RBBP4: variants seen among roughly 807,000 people sequenced by gnomAD.
RBBP4 encodes RB binding protein 4, chromatin remodeling factor, also known as histone-binding protein RBBP4.
Under a neutral mutation model 57.2 loss-of-function variants are expected in RBBP4, and 3 were observed. The observed-to-expected ratio is 0.05, with a 90% CI of 0.02 to 0.14. The LOEUF (loss-of-function observed/expected upper bound fraction) is 0.14. Among genes scored for constraint, RBBP4 ranks in the 10% least tolerant of loss-of-function variants. The pLI is 1.00. For synonymous variants in RBBP4, 151 were observed against 171.5 expected (o/e 0.88, Z 0.93); for missense variants, 107 against 520.6 (o/e 0.21, Z 7.73).
chr1:32,652,336 A>G, intron 2 of RBBP4: 1 of 320,738 alleles, frequency 3.1e-6, no homozygotes, highest in Non-Finnish European at 5.8e-6. Context: ...ACCAAATAAT[A>G]GTACAAAACT....
chr1:32,673,010 C>A, intron 11 of RBBP4, 109 bp downstream of exon 11: 2 of 873,866 alleles, frequency 2.3e-6, no homozygotes, highest in South Asian at 1.6e-5. Flanking sequence ...ATTTTACTCC[C>A]AGGTGTGATT....
At position 32,654,973 on chromosome 1, in the gene RBBP4, G is replaced by A. The variant is rs549211199; in HGVS notation, c.165-2454G>A. 9.2e-5 allele frequency among the ~76,000 whole-genome samples: 14 copies of A among 151,630 alleles called. No individual in the cohort carries two copies. The East Asian group carries it at 2.3e-3, about 25-fold the overall frequency. ...GCCTCCCAAAGTGCTGGGATTACAG[G>A]CGTGAGCTAGTGCACCTGGCTGAAA... is the stretch of plus-strand genomic sequence containing the variant. On this transcript the variant is annotated intron_variant, in intron 2 of 11. Coordinates refer to ENST00000373493, the MANE Select transcript of RBBP4 (RefSeq NM_005610.3).
intron 3 of RBBP4, among the ~76,000 whole-genome samples, chr1:32,664,422 C>G (rs1250735491): frequency 2.0e-5 from 3 of 152,018 alleles, no homozygotes; most frequent in Non-Finnish European, 4.4e-5. Flanking sequence ...TTATTGGTGC[C>G]TCTTTTCTGG....
chr1:32,684,291 C>CT lies in RBBP4; in HGVS notation c.*4588dup. ...AGAGAGCTCTTCAGCAAGACTGAGC[C>CT]TTAGCTGTTCCATCTCTTTGTTCTT... On this transcript the variant is annotated 3_prime_UTR_variant, in exon 12 of 12. Coordinates refer to ENST00000373493, the MANE Select transcript of RBBP4 (RefSeq NM_005610.3). The CT allele has an allele frequency of 6.2e-7, 1 of 1,614,178 alleles. No individual in the cohort carries two copies. Among genetic ancestry groups the CT allele is most frequent in the Non-Finnish European group, 8.5e-7 (1 of 1,180,034 alleles).
Position 32,669,028 on chromosome 1 carries a change from G to C in RBBP4, c.657G>C (p.Ala219=), listed in dbSNP as rs752080971. 1.9e-6 allele frequency: 3 copies of C among 1,614,022 alleles called. No individual in the cohort carries two copies. Among genetic ancestry groups the C allele is most frequent in the Non-Finnish European group, 2.5e-6 (3 of 1,180,012 alleles). ...CAAAGGAGGGAAAAGTGGTAGATGC[G>C]AAGACCATCTTTACAGGGCATACGG... is the stretch of plus-strand genomic sequence containing the variant. ...AVPKEGKVVD[A]KTIFTGHTAV... The change falls in exon 6 of 12, where the codon GCG becomes GCC. Residue 219 remains alanine, a synonymous_variant. Transcript: ENST00000373493. This position sits in a 1 kb window ranked among gnomAD's most constrained non-coding sequence, Gnocchi z 4.9.
At chr1:32,674,158 G>A (rs1454790730) in intron 11 of RBBP4, among the ~76,000 whole-genome samples, 2 of 152,174 alleles carry the variant, frequency 1.3e-5, no homozygotes, top group Non-Finnish European at 2.9e-5. Context: ...GGTTAATGCA[G>A]TGTGAGTGTA....
intron 3 of RBBP4, among the ~76,000 whole-genome samples, chr1:32,663,548 A>G (rs534615511): frequency 1.3e-5 from 2 of 151,286 alleles, no homozygotes; most frequent in East Asian, 3.9e-4. Flanking sequence ...GCTAGGACTT[A>G]TAGGCATGTG....
chr1:32,675,637 CGG>C (rs1433501867), intron 11 of RBBP4, among the ~76,000 whole-genome samples: 2 of 151,672 alleles, frequency 1.3e-5, no homozygotes, highest in Non-Finnish European at 2.9e-5. Context: ...GGCGTGGTGG[CGG>C]GCGCCTGTAG....
intron 11 of RBBP4, 54 bp from the exon 12 acceptor site, chr1:32,679,586 T>C: frequency 6.7e-7 from 1 of 1,493,892 alleles, no homozygotes; most frequent in Non-Finnish European, 9.0e-7. Context: ...TGTTGAAACC[T>C]TGAGTTTTAG....
At position 32,680,148 on chromosome 1, in the gene RBBP4, T is replaced by A; in HGVS notation, c.*443T>A. ...TAGGGGGAGATTCAAGTCATATAGATTCCTACTCGAAAATCTTGACACCTG... is the reference window on the plus strand; with the variant it reads ...TAGGGGGAGATTCAAGTCATATAGAATCCTACTCGAAAATCTTGACACCTG... On this transcript the variant is annotated 3_prime_UTR_variant, in exon 12 of 12. Transcript: ENST00000373493. 9.3e-7 allele frequency: 1 copy of A among 1,076,994 alleles called. No individual in the cohort carries two copies. Among genetic ancestry groups the A allele is most frequent in the Non-Finnish European group, 1.1e-6 (1 of 891,328 alleles). 66.7% of individuals were successfully genotyped at this position (1,076,994 alleles called of 1,614,324 possible).
At chr1:32,674,779 G>A (rs1570868901) in intron 11 of RBBP4, among the ~76,000 whole-genome samples, 1 of 149,992 alleles carries the variant, frequency 6.7e-6, no homozygotes, top group South Asian at 2.1e-4. Flanking sequence ...CCAGGCTGGA[G>A]TTCAGTAGAG....
chr1:32,658,962 T>C (rs998626223), intron 3 of RBBP4, among the ~76,000 whole-genome samples: 5 of 148,774 alleles, frequency 3.4e-5, no homozygotes, highest in African/African-American at 1.2e-4. Flanking sequence ...TATATATGTA[T>C]GTATATGTAA....
At chr1:32,654,369 C>T (rs934617361) in intron 2 of RBBP4, among the ~76,000 whole-genome samples, 13 of 152,108 alleles carry the variant, frequency 8.5e-5, no homozygotes, top group African/African-American at 1.2e-4. Context: ...GGGATTGCCA[C>T]CCTGTCTCAA....
chr1:32,669,600 A>C lies in RBBP4; in HGVS notation c.966+37A>C. The C allele has an allele frequency of 6.3e-7, 1 of 1,579,018 alleles. No homozygotes were observed. The highest frequency in any genetic ancestry group is 8.6e-7 in the Non-Finnish European group (1 of 1,167,334). On this transcript the variant is annotated intron_variant, in intron 8 of 11. Coordinates refer to ENST00000373493, the MANE Select transcript of RBBP4 (RefSeq NM_005610.3). The surrounding 1 kb of genome is among the most constrained non-coding windows in gnomAD (Gnocchi z 4.9). ...TAATGCTACTATTTTGTTTGTTTTAAGAAAAACCTGCTGGGCGCGGTCGCT... is the reference window on the plus strand; with the variant it reads ...TAATGCTACTATTTTGTTTGTTTTACGAAAAACCTGCTGGGCGCGGTCGCT...
chr1:32,668,882 A>G, intron 5 of RBBP4, 28 bp downstream of exon 5: 4 of 1,613,032 alleles, frequency 2.5e-6, no homozygotes, highest in Non-Finnish European at 3.4e-6. Flanking sequence ...TTTGAAGCAA[A>G]TCTGGGCTAG....
Position 32,682,174 on chromosome 1 carries a change from G to T in RBBP4, c.*2469G>T. The T allele has an allele frequency of 3.3e-6, 1 of 301,856 alleles. No individual in the cohort carries two copies. The highest frequency in any genetic ancestry group is 6.2e-6 in the Non-Finnish European group (1 of 161,742). 18.7% of individuals were successfully genotyped at this position (301,856 alleles called of 1,614,324 possible). On this transcript the variant is annotated 3_prime_UTR_variant, in exon 12 of 12. Coordinates refer to ENST00000373493, the MANE Select transcript of RBBP4 (RefSeq NM_005610.3). ...ACACAATCTGATCAACACAAAGGTAGTTAGTAGATCATTAACCTCAATTGC... is the reference window on the plus strand; with the variant it reads ...ACACAATCTGATCAACACAAAGGTATTTAGTAGATCATTAACCTCAATTGC...
intron 11 of RBBP4, among the ~76,000 whole-genome samples, chr1:32,676,580 C>T (rs781654572): frequency 1.1e-4 from 15 of 140,114 alleles, no homozygotes; most frequent in Non-Finnish European, 1.4e-4. Flanking sequence ...CCATTGCACT[C>T]GAACATGGGC....
intron 11 of RBBP4, among the ~76,000 whole-genome samples, chr1:32,673,886 C>A (rs560891290): frequency 6.6e-4 from 100 of 152,178 alleles, no homozygotes; most frequent in African/African-American, 2.3e-3. Flanking sequence ...ATCACGAGGT[C>A]AGGAGATCGA....
Position 32,661,301 on chromosome 1 carries a change from C to CTTTTTTTTTTTTTTTTTT in RBBP4, c.310+3729_310+3730insTTTTTTTTTTTTTTTTTT. On this transcript the variant is annotated intron_variant, in intron 3 of 11. Transcript: ENST00000373493. ...TTGAATGGTAGTTCTATTTTTAGTT[C>CTTTTTTTTTTTTTTTTTT]CTTTTTTTTTTTTTTTGAGATGGAG... is the stretch of plus-strand genomic sequence containing the variant. Among the ~76,000 whole-genome samples, 2 of 132,106 alleles carry CTTTTTTTTTTTTTTTTTT rather than the reference C, an allele frequency of 1.5e-5. 1 individual carries two copies. Among genetic ancestry groups the CTTTTTTTTTTTTTTTTTT allele is most frequent in the Non-Finnish European group, 3.1e-5 (2 of 64,962 alleles). 86.7% of individuals were successfully genotyped at this position (132,106 alleles called of 152,430 possible).
Sources: gnomAD v4.1 joint callset for allele counts (sites outside exome capture counted in the v4.1 genomes callset) on GRCh38, gnomAD v4.1.1 for gene constraint, Gnocchi (gnomAD v3.1) non-coding constraint, MANE v1.5 for transcripts, NCBI Gene and HGNC (gene_info 2026-07-23, HGNC 2026-07-21) for gene names.